Variants in PPARGC1A observed in about 807,000 individuals in gnomAD.
PPARGC1A encodes the protein PPARG coactivator 1 alpha, also known as peroxisome proliferator-activated receptor gamma coactivator 1-alpha.
PPARGC1A carries 25 observed loss-of-function variants against 88.7 expected under a neutral mutation model. That is an observed-to-expected ratio of 0.28 (90% CI 0.21 to 0.39). The LOEUF (loss-of-function observed/expected upper bound fraction) is 0.39. Among genes scored for constraint, PPARGC1A ranks in the 10% least tolerant of loss-of-function variants. The probability of loss-of-function intolerance (pLI) is 1.00; values close to 1 mark genes in which losing one functional copy is unlikely to be tolerated. For missense variants in PPARGC1A, 880 were observed against 968.7 expected (o/e 0.91, Z 1.22); for synonymous variants, 363 against 355.6 (o/e 1.02, Z -0.24).
intron 2 of PPARGC1A, among the ~76,000 whole-genome samples, chr4:23,857,273 A>G (rs980615743): frequency 7.9e-5 from 12 of 151,134 alleles, no homozygotes; most frequent in African/African-American, 2.9e-4. Context: ...GACAAATGCC[A>G]AAGAGATGCA....
the PPARGC1A span, among the ~76,000 whole-genome samples, chr4:24,472,720 G>A: frequency 6.6e-6 from 1 of 151,892 alleles, no homozygotes; most frequent in South Asian, 2.1e-4. The surrounding 1 kb of genome is among the most constrained non-coding windows in gnomAD (Gnocchi z 4.5). Context: ...ACCTAGATAG[G>A]TTCGTCCTGA....
chr4:24,452,206 T>C, the PPARGC1A span, among the ~76,000 whole-genome samples: 3 of 152,114 alleles, frequency 2.0e-5, no homozygotes, highest in African/African-American at 7.2e-5. Context: ...TATAATTGCA[T>C]GAACCAATTC....
chr4:24,209,027 T>C, the PPARGC1A span, among the ~76,000 whole-genome samples: 1 of 152,168 alleles, frequency 6.6e-6, no homozygotes, highest in Non-Finnish European at 1.5e-5. Flanking sequence ...AAGCCCACTA[T>C]ACCCCACAAT....
chr4:24,451,866 G>A, the PPARGC1A span, among the ~76,000 whole-genome samples: 1 of 152,198 alleles, frequency 6.6e-6, no homozygotes, highest in East Asian at 1.9e-4. Context: ...ATGAGCCACT[G>A]TGCCCGGCTG....
chr4:24,020,730 C>A, the PPARGC1A span, among the ~76,000 whole-genome samples: 23 of 152,236 alleles, frequency 1.5e-4, no homozygotes, highest in African/African-American at 5.5e-4. Context: ...AGGCGCCTTC[C>A]TCATCCTCAT....
the PPARGC1A span, among the ~76,000 whole-genome samples, chr4:24,434,848 C>T: frequency 6.6e-5 from 10 of 152,320 alleles, no homozygotes; most frequent in African/African-American, 2.4e-4. Context: ...AACTCATCCA[C>T]CTCGTGGGGA....
chr4:24,150,482 C>A, the PPARGC1A span, among the ~76,000 whole-genome samples: 1 of 152,134 alleles, frequency 6.6e-6, no homozygotes, highest in South Asian at 2.1e-4. Context: ...ATAGATTAAA[C>A]CTTCACATTA....
At chr4:24,453,412 G>C in the PPARGC1A span, among the ~76,000 whole-genome samples, 13 of 152,220 alleles carry the variant, frequency 8.5e-5, no homozygotes, top group Non-Finnish European at 1.6e-4. Flanking sequence ...CTGACCTAAT[G>C]ACTGACTAGA....
At chr4:23,827,995 T>G (rs1724300901) in intron 5 of PPARGC1A, among the ~76,000 whole-genome samples, 1 of 152,068 alleles carries the variant, frequency 6.6e-6, no homozygotes, top group South Asian at 2.1e-4. Flanking sequence ...CTTCTTAAGG[T>G]GTATATAACA....
At chr4:24,252,035 T>TC in the PPARGC1A span, among the ~76,000 whole-genome samples, 8 of 152,138 alleles carry the variant, frequency 5.3e-5, no homozygotes, top group African/African-American at 1.7e-4. Context: ...GTCTGTCTTT[T>TC]CCCCCTGTTA....
At chr4:24,186,714 C>A in the PPARGC1A span, among the ~76,000 whole-genome samples, 9 of 152,058 alleles carry the variant, frequency 5.9e-5, no homozygotes, top group African/African-American at 2.2e-4. Flanking sequence ...AGCACACGCT[C>A]CTTTTCTGGG....
At chr4:23,977,227 C>A in the PPARGC1A span, among the ~76,000 whole-genome samples, 1 of 152,144 alleles carries the variant, frequency 6.6e-6, no homozygotes. Flanking sequence ...GAAGAGTTCA[C>A]CTCTCTCCGG....
the PPARGC1A span, among the ~76,000 whole-genome samples, chr4:24,131,279 A>G: frequency 6.6e-6 from 1 of 152,220 alleles, no homozygotes; most frequent in African/African-American, 2.4e-5. Context: ...CACTCAAAAC[A>G]CAATCTGCTG....
intron 2 of PPARGC1A, chr4:23,866,112 C>G (rs1005849891): frequency 6.6e-6 from 1 of 152,130 alleles, no homozygotes; most frequent in Non-Finnish European, 1.5e-5. Flanking sequence ...AAGAAAGATA[C>G]CAGGAATAGC....
the PPARGC1A span, among the ~76,000 whole-genome samples, chr4:24,458,853 G>A: frequency 6.6e-6 from 1 of 151,980 alleles, no homozygotes; most frequent in Non-Finnish European, 1.5e-5. Flanking sequence ...ATGATTTATT[G>A]GACTAAAATA....
the PPARGC1A span, among the ~76,000 whole-genome samples, chr4:24,113,807 A>T: frequency 6.6e-6 from 1 of 152,120 alleles, no homozygotes; most frequent in Non-Finnish European, 1.5e-5. Context: ...GGCAATAAAC[A>T]TGAAGAGAAA....
chr4:24,178,226 T>C, the PPARGC1A span, among the ~76,000 whole-genome samples: 8 of 152,232 alleles, frequency 5.3e-5, no homozygotes, highest in Non-Finnish European at 1.0e-4. Context: ...TAAGTAAAAT[T>C]GAATCGATGC....
chr4:24,230,756 T>C, the PPARGC1A span, among the ~76,000 whole-genome samples: 2 of 152,120 alleles, frequency 1.3e-5, no homozygotes, highest in African/African-American at 4.8e-5. Context: ...TGCACCTTGT[T>C]ATCTTGAGAC....
chr4:24,110,863 C>T, the PPARGC1A span, among the ~76,000 whole-genome samples: 1 of 152,146 alleles, frequency 6.6e-6, no homozygotes, highest in Admixed American at 6.5e-5. Flanking sequence ...TGTATACTAC[C>T]TTGCTTAAGG....
Sources: allele counts gnomAD v4.1 joint callset (sites outside exome capture counted in the v4.1 genomes callset), GRCh38; gene constraint gnomAD v4.1.1; non-coding constraint Gnocchi (gnomAD v3.1); transcripts MANE v1.5; gene names NCBI Gene and HGNC (gene_info 2026-07-23, HGNC 2026-07-21).